Variants in MAG observed in about 807,000 individuals in gnomAD.
MAG encodes the protein myelin associated glycoprotein.
In MAG, 30 loss-of-function variants were observed where a neutral mutation model predicts 60.7. The ratio of observed to expected loss-of-function variants is 0.49; its 90% CI spans 0.37 to 0.67. The LOEUF (loss-of-function observed/expected upper bound fraction) is 0.67. MAG is among the 30% of genes least tolerant of loss of function. The pLI is 0.00. For missense variants in MAG, 795 were observed against 851.7 expected, an observed-to-expected ratio of 0.93 and a Z score of 0.83; for synonymous variants, 384 against 376.8, an observed-to-expected ratio of 1.02 and a Z score of -0.22.
intron 4 of MAG, among the ~76,000 whole-genome samples, chr19:35,297,150 C>T (rs796761258): frequency 3.0e-4 from 44 of 148,518 alleles, no homozygotes; most frequent in African/African-American, 5.0e-5. Flanking sequence ...CCACACCAAA[C>T]ACACACCACA....
chr19:35,300,498 G>A, intron 6 of MAG, 94 bp downstream of exon 6: 5 of 1,441,034 alleles, frequency 3.5e-6, no homozygotes, highest in East Asian at 2.4e-5. Context: ...GCTGGGTCCC[G>A]AGGGGACCGG....
Position 35,313,444 on chromosome 19 carries a change from G to C in MAG, c.1871G>C (p.Arg624Pro), listed in dbSNP as rs778697016. 1.2e-6 allele frequency: 2 copies of C among 1,612,288 alleles called. No individual in the cohort carries two copies. Among genetic ancestry groups the C allele is most frequent in the African/African-American group, 2.7e-5 (2 of 74,842 alleles). The stretch of plus-strand genomic sequence containing the variant: ...GAGCTAGCTGAGTATGCTGAAATCC[G>C]GGTCAAGTGAAGGAGCTGGGGGCAG... Reference protein sequence around the residue: ...TEELAEYAEIRVK With the variant: ...TEELAEYAEIPVK The change falls in exon 11 of 11, where the codon CGG (arginine) becomes CCG (proline). Residue 624 changes from arginine (R) to proline (P), a missense_variant. Arg to Pro is a moderately radical substitution (Grantham distance 103). Coordinates refer to ENST00000392213, the MANE Select transcript of MAG (RefSeq NM_002361.4).
At chr19:35,292,305 G>A (rs946754155) in intron 1 of MAG, 101 bp downstream of exon 1, 18 of 454,286 alleles carry the variant, frequency 4.0e-5, no homozygotes, top group African/African-American at 1.2e-4. Context: ...AGGGAGCATC[G>A]CTGTGCACCG....
In MAG at chr19:35,313,562, G is replaced by A. The variant is rs201648910; in HGVS notation, c.*108G>A. On this transcript the variant is annotated 3_prime_UTR_variant, in exon 11 of 11. Transcript: ENST00000392213. ...AAGTATCGGGGGCTGGGGCAGGAGGGGAGTGAGGCAGGTGACAGTGAGGTC... is the reference window on the plus strand; with the variant it reads ...AAGTATCGGGGGCTGGGGCAGGAGGAGAGTGAGGCAGGTGACAGTGAGGTC... The A allele has an allele frequency of 2.3e-5, 27 of 1,198,724 alleles. No homozygotes were observed. Among genetic ancestry groups the A allele is most frequent in the Non-Finnish European group, 3.0e-5 (26 of 879,580 alleles). 74.3% of individuals were successfully genotyped at this position (1,198,724 alleles called of 1,614,324 possible). A position where few individuals can be genotyped will look rare whatever the true frequency, so the allele number is the denominator to read the frequency against.
rs1340851684 is a variant in MAG at position 35,300,520 on chromosome 19, C to T, written c.970+116C>T. 3.8e-6 allele frequency: 5 copies of T among 1,332,116 alleles called. No homozygotes were observed. In the African/African-American group the frequency reaches 7.4e-5, roughly 20 times the overall value. 82.5% of individuals were successfully genotyped at this position (1,332,116 alleles called of 1,614,324 possible). A position where few individuals can be genotyped will look rare whatever the true frequency, so the allele number is the denominator to read the frequency against. On this transcript the variant is annotated intron_variant, in intron 6 of 10. Transcript: ENST00000392213. ...CCCGAGGGGACCGGCCATAAACAGTCGAGGCCAAGGTAGACAGGGGGGTTG... is the reference window on the plus strand; with the variant it reads ...CCCGAGGGGACCGGCCATAAACAGTTGAGGCCAAGGTAGACAGGGGGGTTG...
chr19:35,302,759 C>T, intron 7 of MAG, 51 bp downstream of exon 7: 1 of 1,593,422 alleles, frequency 6.3e-7, no homozygotes, highest in Non-Finnish European at 8.5e-7. Flanking sequence ...CCGTGGGGGA[C>T]ACCAGGGTTA....
chr19:35,295,545 G>T lies in MAG; in HGVS notation c.47-68G>T. On this transcript the variant is annotated intron_variant, in intron 3 of 10. Coordinates refer to ENST00000392213, the MANE Select transcript of MAG (RefSeq NM_002361.4). This position sits in a 1 kb window ranked among gnomAD's most constrained non-coding sequence, Gnocchi z 5.8. ...CGCAGCCCCCCGGCATGTGGTTGGG[G>T]ATGGGAGCCGGAGGGGGTGATCGGG... The T allele has an allele frequency of 2.5e-6, 4 of 1,602,424 alleles. No homozygotes were observed. The Admixed American group carries it at 5.1e-5, about 20-fold the overall frequency.
intron 7 of MAG, among the ~76,000 whole-genome samples, chr19:35,303,791 C>A (rs1182915600): frequency 6.6e-6 from 1 of 152,174 alleles, no homozygotes; most frequent in Non-Finnish European, 1.5e-5. Context: ...GTGCCACCAT[C>A]TCCCACCACC....
chr19:35,302,690 T>A lies in MAG; in HGVS notation c.1213T>A (p.Phe405Ile). The change falls in exon 7 of 11, where the codon TTC (phenylalanine) becomes ATC (isoleucine). Residue 405 changes from phenylalanine to isoleucine, a missense_variant. Phe to Ile is a conservative substitution (Grantham distance 21). Coordinates refer to ENST00000392213, the MANE Select transcript of MAG (RefSeq NM_002361.4). The stretch of plus-strand genomic sequence containing the variant: ...CCAGTATGGCCAGAGGGCCACCGCC[T>A]TCAACCTGTCTGTGGAGTGTGAGTA... Reference protein sequence around the residue: ...ENQYGQRATAFNLSVEFAPVL... With the variant: ...ENQYGQRATAINLSVEFAPVL... 1 of 1,613,844 alleles carries A rather than the reference T, an allele frequency of 6.2e-7. No individual in the cohort carries two copies. Among genetic ancestry groups the A allele is most frequent in the Non-Finnish European group, 8.5e-7 (1 of 1,180,032 alleles).
chr19:35,311,927 G>A lies in MAG; in HGVS notation c.1626G>A (p.Val542=), dbSNP rs1568477391. Residue 542 remains valine (V), a synonymous_variant, in exon 10 of 11, where the codon GTG becomes GTA. Coordinates refer to ENST00000392213, the MANE Select transcript of MAG (RefSeq NM_002361.4). ...GAGTCCTGCCCTGCAGAAAGAACGT[G>A]ACAGAGAGCCCCAGCTTCTCGGCAG... ...YITQTRRKKN[V]TESPSFSAGD... 1 of 1,612,438 alleles carries A rather than the reference G, an allele frequency of 6.2e-7. No individual in the cohort carries two copies. The highest frequency in any genetic ancestry group is 1.3e-5 in the African/African-American group (1 of 74,874).
At chr19:35,300,537 G>C in intron 6 of MAG, 133 bp downstream of exon 6, 1 of 1,160,436 alleles carries the variant, frequency 8.6e-7, no homozygotes, top group South Asian at 2.1e-5. Context: ...AAGGTAGACA[G>C]GGGGGTTGCA....
chr19:35,303,213 C>T (rs1225882909), intron 7 of MAG, among the ~76,000 whole-genome samples: 1 of 152,218 alleles, frequency 6.6e-6, no homozygotes, highest in Non-Finnish European at 1.5e-5. Flanking sequence ...CGTGAGCCAC[C>T]ACGCGCAGCC....
chr19:35,296,453 G>C lies in MAG; in HGVS notation c.415+472G>C, dbSNP rs772924620. Among the ~76,000 whole-genome samples, 8 of 152,364 alleles carry C rather than the reference G, an allele frequency of 5.3e-5. No individual in the cohort carries two copies. The Middle Eastern group carries it at 0.01, about 194-fold the overall frequency. On this transcript the variant is annotated intron_variant, in intron 4 of 10. Coordinates refer to ENST00000392213, the MANE Select transcript of MAG (RefSeq NM_002361.4). ...GCTCTGGCCAACAGAAAGCAGGGCG[G>C]TGGCTGTCAGGTGTTCTGAATTTTC... is the stretch of plus-strand genomic sequence containing the variant.
chr19:35,294,172 C>T (rs992379423), intron 1 of MAG, 63 bp from the exon 2 acceptor site: 19 of 377,512 alleles, frequency 5.0e-5, no homozygotes, highest in Non-Finnish European at 8.9e-5. Flanking sequence ...GATACTGAAG[C>T]GGGGGTGGGT....
rs146330554 is a variant in MAG, at chr19:35,302,620, C to A, written c.1143C>A (p.Ala381=). 53 of 1,614,176 alleles carry A rather than the reference C, an allele frequency of 3.3e-5. No individual in the cohort carries two copies. Among genetic ancestry groups the A allele is most frequent in the African/African-American group, 4.0e-5 (3 of 75,042 alleles). The change falls in exon 7 of 11, where the codon GCC becomes GCA. Residue 381 remains alanine (A), a synonymous_variant. Transcript: ENST00000392213. ...YESELQLELP[A]VSPEDDGEYW... ...GCGAGCTGCAGCTGGAGCTGCCGGC[C>A]GTGTCACCCGAGGATGATGGAGAGT... is the stretch of plus-strand genomic sequence containing the variant.
intron 9 of MAG, among the ~76,000 whole-genome samples, chr19:35,311,021 C>T (rs767913101): frequency 8.3e-6 from 1 of 121,136 alleles, no homozygotes; most frequent in Non-Finnish European, 1.7e-5. Flanking sequence ...AAAGATTACA[C>T]ACATCTGGGG....
At chr19:35,308,377 G>C (rs999775776) in intron 7 of MAG, among the ~76,000 whole-genome samples, 3 of 152,244 alleles carry the variant, frequency 2.0e-5, no homozygotes, top group African/African-American at 7.2e-5. Context: ...ACTAAGCCAG[G>C]GGGAGAGAAG....
chr19:35,307,840 G>A (rs1367776365), intron 7 of MAG, among the ~76,000 whole-genome samples: 2 of 152,206 alleles, frequency 1.3e-5, no homozygotes, highest in African/African-American at 4.8e-5. Context: ...GCTAGTGGCA[G>A]GAGGGAATCT....
chr19:35,302,466 C>G lies in MAG; in HGVS notation c.989C>G (p.Thr330Arg). 1 of 1,614,176 alleles carries G rather than the reference C, an allele frequency of 6.2e-7. No homozygotes were observed. The highest frequency in any genetic ancestry group is 1.3e-5 in the African/African-American group (1 of 75,042). The change falls in exon 7 of 11, where the codon ACA becomes AGA. Residue 330 changes from threonine to arginine, a missense_variant. By Grantham distance (71) the Thr-to-Arg change is moderately conservative. Coordinates refer to ENST00000392213, the MANE Select transcript of MAG (RefSeq NM_002361.4). ...LSVMYAPWKP[T>R]VNGTMVAVEG... ...CCCGCAGATGCACCCTGGAAGCCAA[C>G]AGTGAACGGGACAATGGTGGCCGTA...
Sources: gnomAD v4.1 joint callset for allele counts (sites outside exome capture counted in the v4.1 genomes callset) on GRCh38, gnomAD v4.1.1 for gene constraint, Gnocchi (gnomAD v3.1) non-coding constraint, MANE v1.5 for transcripts, NCBI Gene and HGNC (gene_info 2026-07-23, HGNC 2026-07-21) for gene names.